The following MPP1 variants were observed in gnomAD, a reference collection of about 807,000 sequenced individuals.
The protein encoded by MPP1 is MAGUK p55 scaffold protein 1.
A neutral mutation model predicts 38.2 loss-of-function variants in MPP1; 6 were observed. That is an observed-to-expected ratio of 0.16 (90% CI 0.09 to 0.31). The LOEUF (loss-of-function observed/expected upper bound fraction) is 0.31, where lower values mean the gene tolerates loss of function less well. Ranked by LOEUF, MPP1 falls within the 10% of genes least tolerant of loss-of-function variation. The pLI is 1.00. For synonymous variants in MPP1, 153 were observed against 146.3 expected (o/e 1.05, Z -0.33); for missense variants, 293 against 368.9 (o/e 0.79, Z 1.69).
At chrX:154,781,155 C>T (rs2071988610) in intron 11 of MPP1, 84 bp downstream of exon 11, 6 of 878,743 alleles carry the variant, frequency 6.8e-6, no homozygotes, top group Non-Finnish European at 9.8e-6. Flanking sequence ...CCAGCCAGCA[C>T]TCTGGCCAAT....
Position 154,787,629 on chromosome X carries a change from T to C in MPP1, c.481-1229A>G, listed in dbSNP as rs782379175. ...CAACGTCATACTTCTCAGTGAAAGA[T>C]TAAAAGCTTTCCCTGCCTTTTTCAA... On this transcript the variant is annotated intron_variant, in intron 5 of 11. Transcript: ENST00000369534. Among the ~76,000 whole-genome samples the C allele has an allele frequency of 2.0e-4, 22 of 111,911 alleles. No homozygotes were observed. In the South Asian group the frequency reaches 8.2e-3, roughly 42 times the overall value.
rs190298656 is a variant in MPP1, at chrX:154,785,094, C to T, written c.741G>A (p.Lys247=). The T allele has an allele frequency of 5.9e-5, 71 of 1,209,563 alleles. 1 individual carries two copies. The Admixed American group carries it at 1.2e-3, about 20-fold the overall frequency. Residue 247 remains lysine (K), a synonymous_variant, in exon 7 of 12, where the codon AAG becomes AAA. Transcript: ENST00000369534. ...SEAPSCSPFG[K]KKKYKDKYLA... is the part of the protein sequence containing the mutation. ...GATATTTGTCTTTGTACTTCTTCTT[C>T]TTCCCAAAGGGACTGCAGCTCGGGG...
intron 1 of MPP1, chrX:154,799,722 G>A: frequency 8.7e-7 from 1 of 1,144,569 alleles, no homozygotes; most frequent in Non-Finnish European, 1.2e-6. Flanking sequence ...GGATTCAGGA[G>A]GAGCCAGGGA....
intron 1 of MPP1, chrX:154,799,619 G>A: frequency 2.9e-6 from 2 of 686,137 alleles, no homozygotes; most frequent in Non-Finnish European, 4.2e-6. Context: ...ACCATCATCT[G>A]TAGTGGATAT....
chrX:154,789,368 G>A (rs1462358289), intron 5 of MPP1, among the ~76,000 whole-genome samples: 1 of 111,445 alleles, frequency 9.0e-6, no homozygotes, highest in Non-Finnish European at 1.9e-5. Flanking sequence ...TTTGTACATG[G>A]TAGACCCTCA....
At chrX:154,794,620 G>A (rs979066003) in intron 1 of MPP1, among the ~76,000 whole-genome samples, 3 of 111,718 alleles carry the variant, frequency 2.7e-5, no homozygotes, top group Non-Finnish European at 5.7e-5. Flanking sequence ...ACTGTGAGGA[G>A]TGTGCCATTC....
intron 1 of MPP1, chrX:154,799,732 A>G (rs1557268468): frequency 8.7e-7 from 1 of 1,153,769 alleles, no homozygotes; most frequent in Non-Finnish European, 1.2e-6. Flanking sequence ...GGAGCCAGGG[A>G]ATAAACACTC....
chrX:154,783,523 A>G lies in MPP1; in HGVS notation c.866-16T>C, dbSNP rs1197585522. 8.4e-7 allele frequency: 1 copy of G among 1,183,692 alleles called. No individual in the cohort carries two copies. Among genetic ancestry groups the G allele is most frequent in the South Asian group, 1.8e-5 (1 of 55,278 alleles). On this transcript the variant is annotated splice_polypyrimidine_tract_variant and intron_variant, in intron 8 of 11. Coordinates refer to ENST00000369534, the MANE Select transcript of MPP1 (RefSeq NM_002436.4). ...CCACTGGCTCCTGTGTAGAGAGAGA[A>G]GAACATCTTTTGGAAAGGGGGGAGA... is the stretch of plus-strand genomic sequence containing the variant.
chrX:154,781,913 T>A, intron 9 of MPP1, 111 bp from the exon 10 acceptor site: 1 of 725,871 alleles, frequency 1.4e-6, no homozygotes, highest in Non-Finnish European at 2.1e-6. Context: ...GCATTGACTT[T>A]AATACAGGGG....
intron 2 of MPP1, 96 bp downstream of exon 2, chrX:154,792,046 C>T (rs1033676469): frequency 2.4e-5 from 27 of 1,128,926 alleles, no homozygotes; most frequent in Non-Finnish European, 2.9e-5. Flanking sequence ...TGGCCAATTC[C>T]CTAACTCCAT....
At chrX:154,784,178 T>G (rs1007595285) in intron 7 of MPP1, 70 bp from the exon 8 acceptor site, 18 of 872,652 alleles carry the variant, frequency 2.1e-5, no homozygotes, top group Non-Finnish European at 2.8e-5. Flanking sequence ...CACTCTGAAA[T>G]GGGAAACAGC....
chrX:154,791,918 C>A (rs113285457), intron 2 of MPP1, 71 bp from the exon 3 acceptor site: 4 of 1,055,482 alleles, frequency 3.8e-6, no homozygotes, highest in Non-Finnish European at 1.3e-6. Context: ...AAAGAACTTA[C>A]GGTAATTTCT....
Position 154,785,039 on chromosome X carries a change from C to A in MPP1, c.784+12G>T. 8.3e-7 allele frequency: 1 copy of A among 1,204,943 alleles called. No individual in the cohort carries two copies. The highest frequency in any genetic ancestry group is 1.8e-5 in the South Asian group (1 of 56,624). ...GCCAGGAACCTGGGGCAAGAAGGCT[C>A]AGAAAGCTTACTCGAGCTGTGCTTG... On this transcript the variant is annotated intron_variant, in intron 7 of 11. Coordinates refer to ENST00000369534, the MANE Select transcript of MPP1 (RefSeq NM_002436.4).
At chrX:154,800,439 G>T (rs905493019) in intron 1 of MPP1, among the ~76,000 whole-genome samples, 1 of 111,073 alleles carries the variant, frequency 9.0e-6, no homozygotes, top group Non-Finnish European at 1.9e-5. Flanking sequence ...CCTTCCCAAC[G>T]AGCTTTTTCT....
chrX:154,785,023 C>T (rs1284739550), intron 7 of MPP1, 28 bp downstream of exon 7: 1 of 1,183,694 alleles, frequency 8.4e-7, no homozygotes, highest in African/African-American at 1.8e-5. Context: ...TGCCAGGAAC[C>T]TGGGGCAAGA....
chrX:154,796,350 G>A (rs1321288701), intron 1 of MPP1, among the ~76,000 whole-genome samples: 1 of 110,776 alleles, frequency 9.0e-6, no homozygotes, highest in Non-Finnish European at 1.9e-5. Context: ...AGACTGGTCT[G>A]GAACTCCTGA....
intron 10 of MPP1, 118 bp downstream of exon 10, chrX:154,781,482 T>C: frequency 1.1e-6 from 1 of 875,673 alleles, no homozygotes; most frequent in Non-Finnish European, 1.7e-6. Flanking sequence ...TGTTCCAGGC[T>C]GACCCCATTA....
intron 7 of MPP1, chrX:154,784,842 C>T: frequency 2.1e-6 from 1 of 485,587 alleles, no homozygotes. Flanking sequence ...GTGGGCTCAC[C>T]ACTAGTCCTC....
Position 154,796,705 on chromosome X carries a change from A to G in MPP1, c.103-4420T>C, listed in dbSNP as rs2072202134. Among the ~76,000 whole-genome samples the G allele has an allele frequency of 3.6e-5, 4 of 112,498 alleles. No individual in the cohort carries two copies. In the South Asian group the frequency reaches 1.5e-3, roughly 41 times the overall value. On this transcript the variant is annotated intron_variant, in intron 1 of 11. Coordinates refer to ENST00000369534, the MANE Select transcript of MPP1 (RefSeq NM_002436.4). ...TTAGAAACAAATCATGAAACAAATA[A>G]CAGACTGTAAATATCAGCACCATGA...
Sources: gnomAD v4.1 joint callset for allele counts (sites outside exome capture counted in the v4.1 genomes callset) on GRCh38, gnomAD v4.1.1 for gene constraint, MANE v1.5 for transcripts, NCBI Gene and HGNC (gene_info 2026-07-23, HGNC 2026-07-21) for gene names.